SDK1: variants seen among roughly 807,000 people sequenced by gnomAD.
SDK1 encodes protein sidekick-1.
Under a neutral mutation model 245.5 loss-of-function variants are expected in SDK1, and 157 were observed. That is an observed-to-expected ratio of 0.64 (90% CI 0.56 to 0.73). SDK1 has a LOEUF of 0.73. Ranked by LOEUF, SDK1 falls within the 30% of genes least tolerant of loss-of-function variation. The probability of loss-of-function intolerance (pLI) is 0.00; values close to 1 mark genes in which losing one functional copy is unlikely to be tolerated. For synonymous variants in SDK1, 1,647 were observed against 1,278.5 expected, an observed-to-expected ratio of 1.29 and a Z score of -6.15; for missense variants, 3,583 against 3,002.3, an observed-to-expected ratio of 1.19 and a Z score of -4.52.
At chr7:3,622,907 T>C (rs575921438) in intron 2 of SDK1, among the ~76,000 whole-genome samples, 24 of 152,248 alleles carry the variant, frequency 1.6e-4, no homozygotes, top group African/African-American at 5.5e-4. Context: ...CTTTTTTTTT[T>C]CCCCATGATA....
chr7:4,011,804 G>A (rs962870477), intron 15 of SDK1, among the ~76,000 whole-genome samples: 3 of 152,150 alleles, frequency 2.0e-5, no homozygotes, highest in African/African-American at 7.2e-5. Context: ...ACGAGCGGAC[G>A]CATTCAGGCT....
chr7:4,168,965 G>A (rs1270064212), intron 32 of SDK1, among the ~76,000 whole-genome samples: 1 of 152,198 alleles, frequency 6.6e-6, no homozygotes, highest in African/African-American at 2.4e-5. Flanking sequence ...GGACCGCCTG[G>A]GACCATCTGG....
chr7:3,693,850 G>A (rs543480594), intron 4 of SDK1, among the ~76,000 whole-genome samples: 1 of 152,044 alleles, frequency 6.6e-6, no homozygotes, highest in South Asian at 2.1e-4. Context: ...TGAACACCTG[G>A]TCCCCGCAGC....
chr7:3,674,820 G>A (rs1783839211), intron 4 of SDK1, among the ~76,000 whole-genome samples: 2 of 152,104 alleles, frequency 1.3e-5, no homozygotes, highest in Admixed American at 6.5e-5. Context: ...CACAAGATTG[G>A]CTCTGTGTTC....
intron 1 of SDK1, among the ~76,000 whole-genome samples, chr7:3,592,163 T>C (rs1410998088): frequency 6.6e-6 from 1 of 152,260 alleles, no homozygotes; most frequent in Non-Finnish European, 1.5e-5. Flanking sequence ...ACTGACCGCC[T>C]GCTGATACTT....
chr7:4,230,081 A>T (rs552714039), intron 40 of SDK1, among the ~76,000 whole-genome samples: 17 of 111,974 alleles, frequency 1.5e-4, no homozygotes, highest in Non-Finnish European at 2.7e-4. Flanking sequence ...GGAAGGAAGG[A>T]AGGGTGGGCA....
chr7:3,956,074 A>G, intron 7 of SDK1, among the ~76,000 whole-genome samples: 1 of 152,124 alleles, frequency 6.6e-6, no homozygotes, highest in South Asian at 2.1e-4. Context: ...AAGAGGGAGA[A>G]GTGTTTGTTT....
chr7:3,704,896 T>G (rs1319392206), intron 4 of SDK1, among the ~76,000 whole-genome samples: 1 of 152,232 alleles, frequency 6.6e-6, no homozygotes, highest in East Asian at 1.9e-4. Flanking sequence ...AGTTTCATTC[T>G]TCTACATGTG....
intron 4 of SDK1, among the ~76,000 whole-genome samples, chr7:3,805,198 T>C (rs1314487110): frequency 6.6e-6 from 1 of 152,382 alleles, no homozygotes; most frequent in East Asian, 1.9e-4. Context: ...AAAATACAGT[T>C]GTTTTTTGTA....
At chr7:3,871,600 A>T (rs1348134365) in intron 5 of SDK1, among the ~76,000 whole-genome samples, 1 of 152,226 alleles carries the variant, frequency 6.6e-6, no homozygotes, top group African/African-American at 2.4e-5. Flanking sequence ...GGCTGCTTCC[A>T]TTCATTGTGG....
intron 1 of SDK1, among the ~76,000 whole-genome samples, chr7:3,549,138 A>G (rs984663373): frequency 1.3e-5 from 2 of 152,222 alleles, no homozygotes; most frequent in African/African-American, 4.8e-5. Flanking sequence ...GAGCTGTGTG[A>G]AGGCTTCCTC....
chr7:4,095,015 T>A (rs1356371858), intron 22 of SDK1, among the ~76,000 whole-genome samples: 5 of 152,224 alleles, frequency 3.3e-5, no homozygotes, highest in Non-Finnish European at 5.9e-5. Flanking sequence ...GAAAAGAACG[T>A]TAGCTCTGGC....
intron 1 of SDK1, among the ~76,000 whole-genome samples, chr7:3,440,305 G>C (rs1385035106): frequency 6.6e-6 from 1 of 152,174 alleles, no homozygotes; most frequent in Non-Finnish European, 1.5e-5. Context: ...ACCTTGCTTA[G>C]TTCAGGTTGC....
chr7:3,561,726 T>C (rs543394189), intron 1 of SDK1, among the ~76,000 whole-genome samples: 15 of 152,302 alleles, frequency 9.8e-5, no homozygotes, highest in Admixed American at 9.2e-4. Flanking sequence ...GGAGATATTA[T>C]TAAAGGCCAG....
At chr7:3,910,895 C>T (rs972210244) in intron 5 of SDK1, among the ~76,000 whole-genome samples, 9 of 152,196 alleles carry the variant, frequency 5.9e-5, no homozygotes, top group Non-Finnish European at 8.8e-5. Flanking sequence ...ATGTGGCCCA[C>T]GCTGTGGAGC....
At chr7:3,583,043 G>A (rs1780561841) in intron 1 of SDK1, among the ~76,000 whole-genome samples, 1 of 152,216 alleles carries the variant, frequency 6.6e-6, no homozygotes, top group South Asian at 2.1e-4. Context: ...AGTCCTAAAT[G>A]CAGAGGGCAG....
At chr7:3,836,317 G>A (rs989203459) in intron 5 of SDK1, among the ~76,000 whole-genome samples, 4 of 152,192 alleles carry the variant, frequency 2.6e-5, no homozygotes, top group Non-Finnish European at 4.4e-5. Context: ...TTATGTATAA[G>A]TCACATATAT....
At chr7:3,911,459 G>A (rs765336262) in intron 5 of SDK1, among the ~76,000 whole-genome samples, 1 of 152,108 alleles carries the variant, frequency 6.6e-6, no homozygotes, top group Non-Finnish European at 1.5e-5. Flanking sequence ...TCATTTCTTG[G>A]TTTGCTGTGT....
chr7:3,692,142 T>C (rs994329435), intron 4 of SDK1, among the ~76,000 whole-genome samples: 55 of 152,326 alleles, frequency 3.6e-4, no homozygotes, highest in African/African-American at 1.3e-3. Context: ...TTAATAATTT[T>C]ATTGTAATTA....
Sources: gnomAD v4.1 joint callset for allele counts (sites outside exome capture counted in the v4.1 genomes callset) on GRCh38, gnomAD v4.1.1 for gene constraint, MANE v1.5 for transcripts, NCBI Gene and HGNC (gene_info 2026-07-23, HGNC 2026-07-21) for gene names.